Variants in EYS observed in about 807,000 individuals in gnomAD.
EYS encodes EGF-like photoreceptor maintenance factor.
A neutral mutation model predicts 282.1 loss-of-function variants in EYS; 250 were observed. The ratio of observed to expected loss-of-function variants is 0.89; its 90% CI spans 0.80 to 0.98. The LOEUF is 0.98. EYS is among the 50% of genes least tolerant of loss of function. The probability of loss-of-function intolerance (pLI) is 0.00; values close to 1 mark genes in which losing one functional copy is unlikely to be tolerated. For missense variants in EYS, 4,016 were observed against 3,709.0 expected (o/e 1.08, Z -2.15); for synonymous variants, 1,355 against 1,282.9 (o/e 1.06, Z -1.20).
chr6:64,271,990 C>A (rs1438623325), intron 30 of EYS, among the ~76,000 whole-genome samples: 1 of 152,152 alleles, frequency 6.6e-6, no homozygotes, highest in East Asian at 1.9e-4. Flanking sequence ...CAGGCATGCG[C>A]CATCATGCCT....
chr6:63,919,732 ACTTCCTCTG>A (rs1185821596), intron 35 of EYS, among the ~76,000 whole-genome samples: 1 of 152,196 alleles, frequency 6.6e-6, no homozygotes, highest in Non-Finnish European at 1.5e-5. Flanking sequence ...TGCCAACAAA[ACTTCCTCTG>A]CTTGCTACAC....
At chr6:64,186,936 G>A (rs1764964135) in intron 31 of EYS, among the ~76,000 whole-genome samples, 1 of 152,062 alleles carries the variant, frequency 6.6e-6, no homozygotes, top group African/African-American at 2.4e-5. Flanking sequence ...TCCCCGCTCC[G>A]ACGCACTTGG....
intron 35 of EYS, among the ~76,000 whole-genome samples, chr6:63,980,531 C>A (rs894127839): frequency 6.6e-6 from 1 of 151,768 alleles, no homozygotes; most frequent in Non-Finnish European, 1.5e-5. Flanking sequence ...TTATTCTGAA[C>A]ATAAACAGTC....
At chr6:65,394,649 T>C (rs896775649) in intron 7 of EYS, among the ~76,000 whole-genome samples, 1 of 152,146 alleles carries the variant, frequency 6.6e-6, no homozygotes, top group Non-Finnish European at 1.5e-5. Context: ...TTTGAGGCCA[T>C]TAAAATTAAT....
At chr6:65,296,237 G>A (rs1319558788) in intron 11 of EYS, 118 bp from the exon 12 acceptor site, 83 of 1,090,032 alleles carry the variant, frequency 7.6e-5, no homozygotes, top group Non-Finnish European at 1.0e-4. Context: ...GAAGATAGTT[G>A]TGGGGTGCAT....
chr6:64,247,415 T>C (rs528623322), intron 30 of EYS, among the ~76,000 whole-genome samples: 8 of 152,280 alleles, frequency 5.3e-5, no homozygotes, highest in African/African-American at 1.7e-4. Context: ...AGGACTCCTT[T>C]AAAAAATCTA....
intron 19 of EYS, among the ~76,000 whole-genome samples, chr6:64,827,732 G>C (rs75290385): frequency 6.6e-6 from 1 of 151,600 alleles, no homozygotes; most frequent in African/African-American, 2.4e-5. Flanking sequence ...TTTTGTAAAC[G>C]TTTCTTATTA....
intron 1 of EYS, among the ~76,000 whole-genome samples, chr6:65,699,182 C>T (rs1244419948): frequency 6.6e-6 from 1 of 151,966 alleles, no homozygotes; most frequent in Non-Finnish European, 1.5e-5. Context: ...TTTTAGATCA[C>T]GTCTATATTT....
intron 11 of EYS, among the ~76,000 whole-genome samples, chr6:65,314,989 T>C (rs1350488866): frequency 2.6e-5 from 4 of 152,120 alleles, no homozygotes; most frequent in Non-Finnish European, 5.9e-5. Context: ...TTGATAGTTA[T>C]GGAATTTGCT....
At position 65,533,980 on chromosome 6, in the gene EYS, T is replaced by G. The variant is rs145564669; in HGVS notation, c.-332-37987A>C. Among the ~76,000 whole-genome samples, 1,173 of 152,222 alleles carry G rather than the reference T, an allele frequency of 7.7e-3. 19 individuals carry two copies. The highest frequency in any genetic ancestry group is 0.025 in the African/African-American group (1,051 of 41,534). ...GACAATAACATTACCCTAATTTTTTTTTTTGTCTTTTAGTCATCCTGGTGT... is the reference window on the plus strand; with the variant it reads ...GACAATAACATTACCCTAATTTTTTGTTTTGTCTTTTAGTCATCCTGGTGT... On this transcript the variant is annotated intron_variant, in intron 2 of 42. Transcript: ENST00000503581.
At chr6:64,334,028 C>T (rs1157882479) in intron 29 of EYS, among the ~76,000 whole-genome samples, 10 of 152,142 alleles carry the variant, frequency 6.6e-5, no homozygotes, top group Admixed American at 3.3e-4. Flanking sequence ...AATACTGTAT[C>T]GCCTGACAAG....
intron 1 of EYS, among the ~76,000 whole-genome samples, chr6:65,651,239 T>C (rs748658861): frequency 4.7e-4 from 72 of 151,996 alleles, no homozygotes; most frequent in Non-Finnish European, 1.0e-3. Flanking sequence ...TGCATGCTTT[T>C]ACCTAAAGGA....
rs1014362451 is a variant in EYS, at chr6:65,625,981, A to G, written c.-333+13797T>C. Among the ~76,000 whole-genome samples, 3 of 152,154 alleles carry G rather than the reference A, an allele frequency of 2.0e-5. No homozygotes were observed. The East Asian group carries it at 5.8e-4, about 29-fold the overall frequency. On this transcript the variant is annotated intron_variant, in intron 2 of 42. Transcript: ENST00000503581. ...ACTTTCCTGTGGATGTTCTGAAATT[A>G]TTCCTTCCCTTCCTTTAATTGCAGA...
At chr6:64,911,802 G>A (rs1042182153) in intron 16 of EYS, among the ~76,000 whole-genome samples, 1 of 152,066 alleles carries the variant, frequency 6.6e-6, no homozygotes, top group Non-Finnish European at 1.5e-5. Flanking sequence ...CAGTGAACAT[G>A]TACCTAAACC....
intron 18 of EYS, among the ~76,000 whole-genome samples, chr6:64,897,603 G>C (rs891659870): frequency 6.6e-6 from 1 of 152,210 alleles, no homozygotes; most frequent in Admixed American, 6.5e-5. Flanking sequence ...TGGAGAATGA[G>C]TTTGACGAAT....
At chr6:65,526,339 A>G (rs948925318) in intron 2 of EYS, among the ~76,000 whole-genome samples, 1 of 152,218 alleles carries the variant, frequency 6.6e-6, no homozygotes, top group Non-Finnish European at 1.5e-5. Flanking sequence ...ATCAATTGTA[A>G]GTAAAATTTT....
chr6:64,862,081 G>A (rs559650399), intron 19 of EYS, among the ~76,000 whole-genome samples: 220 of 152,112 alleles, frequency 1.4e-3, no homozygotes, highest in African/African-American at 2.2e-3. Context: ...TGACTTCTAG[G>A]CTGGTGATAT....
chr6:63,914,068 A>C (rs1764352166), intron 35 of EYS, among the ~76,000 whole-genome samples: 1 of 152,172 alleles, frequency 6.6e-6, no homozygotes, highest in African/African-American at 2.4e-5. Flanking sequence ...TAAGATGGTG[A>C]ACTTAATTGA....
At chr6:64,562,992 C>A (rs1439350486) in intron 26 of EYS, among the ~76,000 whole-genome samples, 2 of 151,890 alleles carry the variant, frequency 1.3e-5, no homozygotes, top group African/African-American at 2.4e-5. Context: ...ATGCAATATG[C>A]AAATGCATTA....
Sources: allele counts gnomAD v4.1 joint callset (sites outside exome capture counted in the v4.1 genomes callset), GRCh38; gene constraint gnomAD v4.1.1; transcripts MANE v1.5; gene names NCBI Gene and HGNC (gene_info 2026-07-23, HGNC 2026-07-21).